The following CHSY3 variants were observed in gnomAD, a reference collection of about 807,000 sequenced individuals.
CHSY3 encodes the protein chondroitin sulfate synthase 3.
Under a neutral mutation model 67.2 loss-of-function variants are expected in CHSY3, and 35 were observed. That is an observed-to-expected ratio of 0.52 (90% confidence interval 0.40 to 0.69). The LOEUF (loss-of-function observed/expected upper bound fraction) is 0.69. Ranked by LOEUF, CHSY3 falls within the 30% of genes least tolerant of loss-of-function variation. The probability of loss-of-function intolerance (pLI) is 0.00; values close to 1 mark genes in which losing one functional copy is unlikely to be tolerated. For synonymous variants in CHSY3, 474 were observed against 434.7 expected, an observed-to-expected ratio of 1.09 and a Z score of -1.12; for missense variants, 1,069 against 1,138.5, an observed-to-expected ratio of 0.94 and a Z score of 0.88.
chr5:130,035,077 A>G (rs1764827800), intron 2 of CHSY3, among the ~76,000 whole-genome samples: 1 of 152,144 alleles, frequency 6.6e-6, no homozygotes, highest in Non-Finnish European at 1.5e-5. Flanking sequence ...ATGGGAATGC[A>G]TAGAAGTATT....
rs373400122 is a variant in CHSY3, at chr5:129,944,561, C to T, written c.1086+36201C>T. 1.1e-4 allele frequency among the ~76,000 whole-genome samples: 17 copies of T among 152,076 alleles called. No homozygotes were observed. In the East Asian group the frequency reaches 1.5e-3, roughly 14 times the overall value. On this transcript the variant is annotated intron_variant, in intron 2 of 2. Coordinates refer to ENST00000305031, the MANE Select transcript of CHSY3 (RefSeq NM_175856.5). ...TGTTGGTCAGGCTGGTCTTGAACTC[C>T]TGGCCTCATGATCTGCCCACCTCGG...
intron 2 of CHSY3, among the ~76,000 whole-genome samples, chr5:130,123,241 A>C (rs1423700242): frequency 1.3e-5 from 2 of 152,244 alleles, no homozygotes; most frequent in African/African-American, 4.8e-5. Flanking sequence ...CTGTTTCAGA[A>C]AGAGAGTATG....
At chr5:130,029,441 T>C (rs532998540) in intron 2 of CHSY3, among the ~76,000 whole-genome samples, 1 of 152,164 alleles carries the variant, frequency 6.6e-6, no homozygotes, top group South Asian at 2.1e-4. Context: ...CTGGCATTAT[T>C]AATAGAATAT....
chr5:130,156,215 C>T (rs190693107), intron 2 of CHSY3, among the ~76,000 whole-genome samples: 151 of 152,254 alleles, frequency 9.9e-4, no homozygotes, highest in Non-Finnish European at 1.9e-3. Flanking sequence ...TTATTTCTAA[C>T]TTGCAGTCAC....
intron 2 of CHSY3, among the ~76,000 whole-genome samples, chr5:129,949,813 C>G (rs1394418127): frequency 1.3e-5 from 2 of 152,068 alleles, no homozygotes; most frequent in East Asian, 1.9e-4. Context: ...TCAACATACA[C>G]AAATTAGTAA....
At chr5:130,004,616 G>T (rs1222967913) in intron 2 of CHSY3, among the ~76,000 whole-genome samples, 1 of 152,146 alleles carries the variant, frequency 6.6e-6, no homozygotes, top group Non-Finnish European at 1.5e-5. Context: ...AATTAGGATA[G>T]CCCAAATTAA....
chr5:130,151,469 G>C lies in CHSY3; in HGVS notation c.1087-32760G>C, dbSNP rs372468926. Among the ~76,000 whole-genome samples, 322 of 152,302 alleles carry C rather than the reference G, an allele frequency of 2.1e-3. 6 individuals are homozygous for C. In the South Asian group the frequency reaches 0.035, roughly 17 times the overall value. On this transcript the variant is annotated intron_variant, in intron 2 of 2. Coordinates refer to ENST00000305031, the MANE Select transcript of CHSY3 (RefSeq NM_175856.5). The stretch of plus-strand genomic sequence containing the variant: ...TCCATTCAGCAAATAGTTATTGACT[G>C]TGTGCCAGGTGCTAATCTCAGTGCT...
intron 2 of CHSY3, among the ~76,000 whole-genome samples, chr5:130,034,348 T>A (rs1764786745): frequency 6.6e-6 from 1 of 152,176 alleles, no homozygotes; most frequent in South Asian, 2.1e-4. Context: ...TTATTCAGAA[T>A]TCATCTTTTC....
At chr5:129,936,699 A>G (rs927611961) in intron 2 of CHSY3, among the ~76,000 whole-genome samples, 38 of 152,354 alleles carry the variant, frequency 2.5e-4, no homozygotes, top group African/African-American at 8.4e-4. Flanking sequence ...GACATAAGAT[A>G]GGGATCTTGT....
intron 2 of CHSY3, among the ~76,000 whole-genome samples, chr5:129,928,159 G>C (rs1009429629): frequency 1.3e-5 from 2 of 151,492 alleles, no homozygotes; most frequent in Non-Finnish European, 2.9e-5. Flanking sequence ...ATTAAACTTG[G>C]TATTCATTTG....
chr5:130,043,910 AC>A (rs1196507220), intron 2 of CHSY3, among the ~76,000 whole-genome samples: 1 of 152,044 alleles, frequency 6.6e-6, no homozygotes, highest in African/African-American at 2.4e-5. Context: ...ACACCATTTC[AC>A]CATGCAAGGC....
chr5:129,968,585 A>G (rs1762532885), intron 2 of CHSY3, among the ~76,000 whole-genome samples: 1 of 151,822 alleles, frequency 6.6e-6, no homozygotes, highest in Non-Finnish European at 1.5e-5. Flanking sequence ...TAGTCATCTC[A>G]TCTGACTGGT....
rs568706510 is a variant in CHSY3 at position 129,939,330 on chromosome 5, C to G, written c.1086+30970C>G. On this transcript the variant is annotated intron_variant, in intron 2 of 2. Coordinates refer to ENST00000305031, the MANE Select transcript of CHSY3 (RefSeq NM_175856.5). Reference sequence around the variant, plus strand: ...ATGAGATTTGGATGGGGACACAGAGCCAAACCATATCAGATGCCATACTTT... The same window carrying G: ...ATGAGATTTGGATGGGGACACAGAGGCAAACCATATCAGATGCCATACTTT... Among the ~76,000 whole-genome samples, 5 of 152,200 alleles carry G rather than the reference C, an allele frequency of 3.3e-5. No individual in the cohort carries two copies. The South Asian group carries it at 1.0e-3, about 32-fold the overall frequency.
intron 2 of CHSY3, among the ~76,000 whole-genome samples, chr5:129,926,148 T>C (rs1561457932): frequency 1.3e-5 from 2 of 152,026 alleles, no homozygotes; most frequent in Non-Finnish European, 2.9e-5. Flanking sequence ...CATTAAAGCA[T>C]ATAGCATGGA....
chr5:129,958,793 A>G (rs970337071), intron 2 of CHSY3, among the ~76,000 whole-genome samples: 4 of 152,104 alleles, frequency 2.6e-5, no homozygotes, highest in Non-Finnish European at 4.4e-5. Context: ...CAGCTACCCA[A>G]AGTGCTGGGA....
chr5:129,939,991 T>C (rs1457522114), intron 2 of CHSY3, among the ~76,000 whole-genome samples: 1 of 152,178 alleles, frequency 6.6e-6, no homozygotes. Context: ...CCATATATTA[T>C]ATTAGATTTT....
At chr5:130,120,237 T>C (rs1406060221) in intron 2 of CHSY3, among the ~76,000 whole-genome samples, 2 of 152,162 alleles carry the variant, frequency 1.3e-5, no homozygotes, top group South Asian at 2.1e-4. Flanking sequence ...TGCCTCATTA[T>C]CTCTTGCCTA....
intron 2 of CHSY3, among the ~76,000 whole-genome samples, chr5:130,148,544 C>T (rs936598424): frequency 1.3e-5 from 2 of 152,168 alleles, no homozygotes; most frequent in Non-Finnish European, 2.9e-5. Context: ...TCTCCTCAAC[C>T]TGGCCAGCAC....
intron 2 of CHSY3, among the ~76,000 whole-genome samples, chr5:130,155,944 A>C: frequency 6.6e-6 from 1 of 152,200 alleles, no homozygotes; most frequent in East Asian, 1.9e-4. Flanking sequence ...GCAATCTCAA[A>C]ACATTTTCTT....
Sources: gnomAD v4.1 joint callset for allele counts (sites outside exome capture counted in the v4.1 genomes callset) on GRCh38, gnomAD v4.1.1 for gene constraint, MANE v1.5 for transcripts, NCBI Gene and HGNC (gene_info 2026-07-23, HGNC 2026-07-21) for gene names.